Variants in SLC24A3 observed in about 807,000 individuals in gnomAD.
SLC24A3 encodes solute carrier family 24 member 3, also known as sodium/potassium/calcium exchanger 3.
Under a neutral mutation model 75.8 loss-of-function variants are expected in SLC24A3, and 28 were observed. The ratio of observed to expected loss-of-function variants is 0.37; its 90% CI spans 0.27 to 0.51. SLC24A3 has a LOEUF of 0.51. Ranked by LOEUF, SLC24A3 falls within the 20% of genes least tolerant of loss-of-function variation. SLC24A3 has a pLI of 0.94. For synonymous variants in SLC24A3, 372 were observed against 334.1 expected (o/e 1.11, Z -1.24); for missense variants, 663 against 847.8 (o/e 0.78, Z 2.71).
chr20:19,561,416 G>A (rs898755022), intron 3 of SLC24A3, among the ~76,000 whole-genome samples: 18 of 152,228 alleles, frequency 1.2e-4, no homozygotes, highest in African/African-American at 3.9e-4. Context: ...TCTGGTTTGG[G>A]TTTCTTTGGA....
intron 6 of SLC24A3, among the ~76,000 whole-genome samples, chr20:19,621,136 A>C (rs2031798817): frequency 6.6e-6 from 1 of 152,222 alleles, no homozygotes; most frequent in Non-Finnish European, 1.5e-5. Flanking sequence ...ATTTCCAGCA[A>C]ACACAAAAGT....
At chr20:19,480,474 G>A (rs567871243) in intron 2 of SLC24A3, among the ~76,000 whole-genome samples, 3 of 152,322 alleles carry the variant, frequency 2.0e-5, no homozygotes, top group Admixed American at 1.3e-4. Context: ...TGAATTCGGG[G>A]TTAAAAAGTT....
rs1225130916 is a variant in SLC24A3 at position 19,693,281 on chromosome 20, A to G, written c.1347A>G (p.Lys449=). ...CAGCGGGTAAACTGGAAACAGTGAA[A>G]TGGGCGTTCACCTGGCCGCTGAGTT... The part of the protein sequence containing the change: ...DTPSGKLETV[K]WAFTWPLSFV... Residue 449 remains lysine (K), a synonymous_variant, in exon 13 of 17, where the codon AAA becomes AAG. Transcript: ENST00000328041. 2 of 1,613,364 alleles carry G rather than the reference A, an allele frequency of 1.2e-6. No individual in the cohort carries two copies. Among genetic ancestry groups the G allele is most frequent in the South Asian group, 2.2e-5 (2 of 90,948 alleles).
At chr20:19,324,911 A>G (rs1984802572) in intron 2 of SLC24A3, among the ~76,000 whole-genome samples, 3 of 152,106 alleles carry the variant, frequency 2.0e-5, no homozygotes. Context: ...ACAATACAAA[A>G]ATCCAATGTC....
intron 2 of SLC24A3, among the ~76,000 whole-genome samples, chr20:19,456,879 G>A (rs551085694): frequency 1.3e-5 from 2 of 152,298 alleles, no homozygotes; most frequent in South Asian, 4.1e-4. Flanking sequence ...TACTCAGTCT[G>A]GCAGGTACAG....
intron 1 of SLC24A3, among the ~76,000 whole-genome samples, chr20:19,244,862 G>A (rs2122170206): frequency 6.6e-6 from 1 of 152,314 alleles, no homozygotes; most frequent in Non-Finnish European, 1.5e-5. Context: ...TAAATAAAGA[G>A]GAAGCTGAAT....
chr20:19,516,784 C>T (rs2030000244), intron 3 of SLC24A3, among the ~76,000 whole-genome samples: 1 of 152,216 alleles, frequency 6.6e-6, no homozygotes, highest in South Asian at 2.1e-4. Context: ...ATTACAGTCA[C>T]AGCCCACTGT....
intron 3 of SLC24A3, among the ~76,000 whole-genome samples, chr20:19,561,525 T>G (rs2030874856): frequency 6.6e-6 from 1 of 152,172 alleles, no homozygotes. Context: ...CCCCCACAGA[T>G]GCAGTCGAAG....
At chr20:19,361,940 A>G (rs149487967) in intron 2 of SLC24A3, among the ~76,000 whole-genome samples, 16 of 152,318 alleles carry the variant, frequency 1.1e-4, no homozygotes, top group African/African-American at 3.8e-4. Context: ...TGCTCTACCC[A>G]CATCACAGAC....
chr20:19,521,595 T>G (rs895534136), intron 3 of SLC24A3, among the ~76,000 whole-genome samples: 1 of 152,298 alleles, frequency 6.6e-6, no homozygotes, highest in Non-Finnish European at 1.5e-5. Context: ...CTGCTCCTCT[T>G]TCAGGTCTGG....
At chr20:19,673,236 A>G (rs192306383) in intron 8 of SLC24A3, among the ~76,000 whole-genome samples, 1 of 152,306 alleles carries the variant, frequency 6.6e-6, no homozygotes, top group Non-Finnish European at 1.5e-5. Flanking sequence ...CTCTAATTTT[A>G]GTTTCCCCTT....
At chr20:19,447,525 T>G (rs1326010175) in intron 2 of SLC24A3, among the ~76,000 whole-genome samples, 1 of 152,064 alleles carries the variant, frequency 6.6e-6, no homozygotes, top group Non-Finnish European at 1.5e-5. Flanking sequence ...AATAAAGTGG[T>G]TTTTTTGCCT....
At chr20:19,417,848 C>T (rs1986853294) in intron 2 of SLC24A3, among the ~76,000 whole-genome samples, 1 of 152,146 alleles carries the variant, frequency 6.6e-6, no homozygotes, top group Non-Finnish European at 1.5e-5. Flanking sequence ...TGAAACTCTA[C>T]ATACTGAATG....
At chr20:19,429,045 T>A (rs1183341965) in intron 2 of SLC24A3, among the ~76,000 whole-genome samples, 3 of 152,226 alleles carry the variant, frequency 2.0e-5, no homozygotes, top group African/African-American at 7.2e-5. Flanking sequence ...AACAGAAATA[T>A]AATGCTATTT....
intron 2 of SLC24A3, among the ~76,000 whole-genome samples, chr20:19,461,023 T>C (rs1270768185): frequency 1.3e-5 from 2 of 152,114 alleles, no homozygotes; most frequent in East Asian, 1.9e-4. Context: ...AGCGGAGGGA[T>C]TGGGGGCATC....
chr20:19,517,393 G>C (rs1173426559), intron 3 of SLC24A3, among the ~76,000 whole-genome samples: 6 of 152,186 alleles, frequency 3.9e-5, no homozygotes, highest in Non-Finnish European at 5.9e-5. Flanking sequence ...GACTCACTGA[G>C]TCATCAGCTG....
intron 2 of SLC24A3, among the ~76,000 whole-genome samples, chr20:19,297,786 A>G (rs1292506636): frequency 6.6e-6 from 1 of 152,236 alleles, no homozygotes; most frequent in Admixed American, 6.5e-5. Flanking sequence ...CTTTTGTGAA[A>G]AATGGAAACT....
intron 8 of SLC24A3, among the ~76,000 whole-genome samples, chr20:19,668,259 T>G (rs2032423692): frequency 6.6e-6 from 1 of 152,214 alleles, no homozygotes; most frequent in South Asian, 2.1e-4. Flanking sequence ...GATTTCAACT[T>G]CTCATTTAAT....
At chr20:19,388,362 C>CT (rs1986307060) in intron 2 of SLC24A3, among the ~76,000 whole-genome samples, 1 of 152,024 alleles carries the variant, frequency 6.6e-6, no homozygotes, top group African/African-American at 2.4e-5. Context: ...ATATAATGAC[C>CT]TTTTTTGTCT....
Sources: allele counts gnomAD v4.1 joint callset (sites outside exome capture counted in the v4.1 genomes callset), GRCh38; gene constraint gnomAD v4.1.1; transcripts MANE v1.5; gene names NCBI Gene and HGNC (gene_info 2026-07-23, HGNC 2026-07-21).